The following PECAM1 variants were observed in gnomAD, a reference collection of about 807,000 sequenced individuals.
PECAM1 encodes the protein platelet endothelial cell adhesion molecule.
PECAM1 carries 8 observed loss-of-function variants against 13.8 expected under a neutral mutation model. The ratio of observed to expected loss-of-function variants is 0.58; its 90% CI spans 0.34 to 1.05. The LOEUF (loss-of-function observed/expected upper bound fraction) is 1.05. Among genes scored for constraint, PECAM1 ranks in the 50% least tolerant of loss-of-function variants. The pLI is 0.03. For missense variants in PECAM1, 304 were observed against 141.2 expected, an observed-to-expected ratio of 2.15 and a Z score of -5.84; for synonymous variants, 136 against 52.6, an observed-to-expected ratio of 2.58 and a Z score of -6.86.
chr17:64,369,716 A>G, intron 5 of PECAM1, 34 bp downstream of exon 5: 1 of 398,598 alleles, frequency 2.5e-6, no homozygotes, highest in Non-Finnish European at 4.4e-6. Context: ...TGAGCCCGCC[A>G]TATGCCAACA....
chr17:64,385,619 G>A (rs2036575741), intron 2 of PECAM1, among the ~76,000 whole-genome samples: 1 of 152,156 alleles, frequency 6.6e-6, no homozygotes, highest in African/African-American at 2.4e-5. Flanking sequence ...GGCTGACAGA[G>A]TAAGTAAGAA....
intron 4 of PECAM1, among the ~76,000 whole-genome samples, chr17:64,373,258 A>G (rs1470276810): frequency 6.6e-6 from 1 of 152,166 alleles, no homozygotes; most frequent in Non-Finnish European, 1.5e-5. Flanking sequence ...ACAAGTACAA[A>G]TATCTATACT....
In PECAM1 at chr17:64,329,663, T is replaced by C. The variant is rs782609736; in HGVS notation, c.2187+37A>G. On this transcript the variant is annotated intron_variant, in intron 15 of 15. Transcript: ENST00000563924. Reference sequence around the variant, plus strand: ...GGAAATATTTCACTGTTCAGTGGAGTACTTTTAAATATAATGTATATGAAA... The same window carrying C: ...GGAAATATTTCACTGTTCAGTGGAGCACTTTTAAATATAATGTATATGAAA... 1.2e-5 allele frequency: 9 copies of C among 741,998 alleles called. No individual in the cohort carries two copies. The Middle Eastern group carries it at 1.1e-3, about 93-fold the overall frequency. The allele number at this position is 741,998 out of a possible 1,614,324, so 46.0% of individuals were successfully genotyped here. A position where few individuals can be genotyped will look rare whatever the true frequency, so the allele number is the denominator to read the frequency against.
chr17:64,373,070 C>T (rs1271220350), intron 4 of PECAM1, among the ~76,000 whole-genome samples: 12 of 151,288 alleles, frequency 7.9e-5, no homozygotes, highest in African/African-American at 2.9e-4. Context: ...TGAGATTGCG[C>T]CACTGTACTC....
intron 5 of PECAM1, among the ~76,000 whole-genome samples, chr17:64,363,836 T>C (rs9897797): frequency 0.86 from 131,104 of 151,962 alleles, 59,095 homozygotes; most frequent in East Asian, 1. Context: ...CCCAGATACT[T>C]GGGAGGCTGA....
chr17:64,347,260 G>A (rs2035590470), intron 13 of PECAM1, among the ~76,000 whole-genome samples: 1 of 151,968 alleles, frequency 6.6e-6, no homozygotes, highest in African/African-American at 2.4e-5. Flanking sequence ...GCTCACACCT[G>A]TAATCCCAGC....
At chr17:64,374,365 T>C (rs944206960) in intron 4 of PECAM1, among the ~76,000 whole-genome samples, 1 of 151,754 alleles carries the variant, frequency 6.6e-6, no homozygotes, top group Non-Finnish European at 1.5e-5. Context: ...GGCATGCCCC[T>C]GTAATCCCAG....
chr17:64,369,982 C>G lies in PECAM1; in HGVS notation c.735G>C (p.Met245Ile). ...TPKFHISPTG[M>I]IMEGAQLHIK... ...TGTGGAGCTGAGCTCCTTCCATGAT[C>G]ATTCCGGTGGGGCTGATGTGGAACT... Residue 245 changes from methionine (M) to isoleucine (I), a missense_variant, in exon 5 of 16, where the codon ATG becomes ATC. Coordinates refer to ENST00000563924, the MANE Select transcript of PECAM1 (RefSeq NM_000442.5). 1 of 398,596 alleles carries G rather than the reference C, an allele frequency of 2.5e-6. No homozygotes were observed. The allele number at this position is 398,596 out of a possible 1,614,324, so 24.7% of individuals were successfully genotyped here.
intron 6 of PECAM1, among the ~76,000 whole-genome samples, chr17:64,360,915 T>A (rs1327058530): frequency 2.0e-5 from 3 of 147,828 alleles, no homozygotes; most frequent in Non-Finnish European, 4.5e-5. Context: ...CACTACAACC[T>A]CCCAGAATCA....
chr17:64,350,897 A>G (rs1478804539), intron 11 of PECAM1, among the ~76,000 whole-genome samples: 3 of 151,186 alleles, frequency 2.0e-5, no homozygotes, highest in Non-Finnish European at 4.4e-5. Flanking sequence ...CTTTTTTGAG[A>G]TGGAGTTTCG....
intron 14 of PECAM1, among the ~76,000 whole-genome samples, chr17:64,331,860 G>T (rs573045808): frequency 6.6e-6 from 1 of 152,218 alleles, no homozygotes; most frequent in Non-Finnish European, 1.5e-5. Flanking sequence ...GGGCATTGGG[G>T]ATGGTTGCTG....
chr17:64,362,827 C>A (rs1412474800), intron 6 of PECAM1, among the ~76,000 whole-genome samples: 1 of 114,198 alleles, frequency 8.8e-6, no homozygotes, highest in African/African-American at 2.7e-5. Context: ...CTAGCCTGGG[C>A]GACACGTCTC....
intron 13 of PECAM1, among the ~76,000 whole-genome samples, chr17:64,347,673 A>C (rs2035608897): frequency 7.1e-5 from 2 of 28,350 alleles, no homozygotes; most frequent in South Asian, 0.025. Context: ...ACACAAAGAA[A>C]ACATATATAT....
chr17:64,329,660 G>A (rs1465035465), intron 15 of PECAM1, 40 bp downstream of exon 15: 2 of 740,332 alleles, frequency 2.7e-6, no homozygotes, highest in African/African-American at 3.5e-5. Flanking sequence ...CTGTTCAGTG[G>A]AGTACTTTTA....
intron 15 of PECAM1, among the ~76,000 whole-genome samples, chr17:64,328,640 T>C (rs1008562794): frequency 2.0e-5 from 3 of 152,212 alleles, no homozygotes; most frequent in African/African-American, 7.2e-5. Context: ...TGGCTTCCTG[T>C]CTGTCAAAGG....
In PECAM1 at chr17:64,321,651, C is replaced by T; in HGVS notation, c.*2165G>A. The T allele has an allele frequency of 1.8e-6, 1 of 555,400 alleles. No homozygotes were observed. Among genetic ancestry groups the T allele is most frequent in the Non-Finnish European group, 2.5e-6 (1 of 402,078 alleles). 34.4% of individuals were successfully genotyped at this position (555,400 alleles called of 1,614,324 possible). A position where few individuals can be genotyped will look rare whatever the true frequency, so the allele number is the denominator to read the frequency against. ...CGGCTCACGCCTCTGGTCCCAGCTA[C>T]CCAGGAAGCTGAGATGGGAGGATCG... On this transcript the variant is annotated 3_prime_UTR_variant, in exon 16 of 16. Transcript: ENST00000563924.
intron 13 of PECAM1, among the ~76,000 whole-genome samples, chr17:64,346,280 C>T (rs1385886133): frequency 6.6e-6 from 1 of 152,100 alleles, no homozygotes; most frequent in Admixed American, 6.6e-5. Context: ...GCAGTGACCC[C>T]CGGGGACTGT....
chr17:64,369,578 A>C (rs1392689892), intron 5 of PECAM1, among the ~76,000 whole-genome samples, 172 bp downstream of exon 5: 1 of 152,148 alleles, frequency 6.6e-6, no homozygotes, highest in Non-Finnish European at 1.5e-5. Flanking sequence ...GTAGACTGTT[A>C]ACTCGCTCTG....
chr17:64,384,436 G>A (rs2036549772), intron 2 of PECAM1, among the ~76,000 whole-genome samples: 1 of 152,138 alleles, frequency 6.6e-6, no homozygotes, highest in Admixed American at 6.6e-5. Flanking sequence ...ACTTACACGT[G>A]GTCACCTCCC....
Sources: gnomAD v4.1 joint callset for allele counts (sites outside exome capture counted in the v4.1 genomes callset) on GRCh38, gnomAD v4.1.1 for gene constraint, MANE v1.5 for transcripts, NCBI Gene and HGNC (gene_info 2026-07-23, HGNC 2026-07-21) for gene names.